ZNF469: variants seen among roughly 807,000 people sequenced by gnomAD.
ZNF469 encodes the protein zinc finger protein 469.
A neutral mutation model predicts 1.0 loss-of-function variants in ZNF469; 1 was observed. The ratio of observed to expected loss-of-function variants is 1.00; its 90% confidence interval spans 0.35 to 4.73. The LOEUF (loss-of-function observed/expected upper bound fraction) is 4.73. ZNF469 is among the 30% of genes most tolerant of loss of function. ZNF469 has a pLI of 0.16. For synonymous variants in ZNF469, 2,703 were observed against 2,363.4 expected (o/e 1.14, Z -4.17); for missense variants, 6,100 against 5,356.3 (o/e 1.14, Z -4.33).
rs1211886658 is a variant in ZNF469, at chr16:88,428,746, G to C, written c.1276G>C (p.Glu426Gln). 6.5e-7 allele frequency: 1 copy of C among 1,546,316 alleles called. No individual in the cohort carries two copies. The highest frequency in any genetic ancestry group is 8.7e-7 in the Non-Finnish European group (1 of 1,146,294). The change falls in exon 3 of 3, where the codon GAG (glutamate) becomes CAG (glutamine). Residue 426 changes from glutamate to glutamine, a missense_variant. Glu to Gln is a conservative substitution (Grantham distance 29). Transcript: ENST00000565624. Reference sequence around the variant, plus strand: ...CACCAGCCCGGGGCCTCCGGACACCGAGCTGGCCGCCCCAGGGCCCCCACC... The same window carrying C: ...CACCAGCCCGGGGCCTCCGGACACCCAGCTGGCCGCCCCAGGGCCCCCACC... ...VDTSPGPPDT[E>Q]LAAPGPPPAR...
chr16:88,381,197 C>T (rs1347311617), upstream of ZNF469, among the ~76,000 whole-genome samples: 1 of 119,740 alleles, frequency 8.4e-6, no homozygotes, highest in Admixed American at 7.8e-5. Context: ...CACACACATG[C>T]ATTCACAGAC....
rs1039889727 is a variant in ZNF469, at chr16:88,431,550, C to T, written c.4080C>T (p.Asn1360=). The change falls in exon 3 of 3, where the codon AAC becomes AAT. Residue 1360 remains asparagine (N), a synonymous_variant. Coordinates refer to ENST00000565624, the MANE Select transcript of ZNF469 (RefSeq NM_001367624.2). ...SSFGCDPAGF[N]RDPLGVPVAK... ...TTGGCTGTGACCCTGCTGGTTTTAA[C>T]AGAGACCCCTTGGGGGTTCCAGTTG... is the stretch of plus-strand genomic sequence containing the variant. 10 of 1,550,348 alleles carry T rather than the reference C, an allele frequency of 6.5e-6. No individual in the cohort carries two copies. In the Admixed American group the frequency reaches 7.8e-5, roughly 12 times the overall value.
At chr16:88,226,437 A>C in the ZNF469 span, among the ~76,000 whole-genome samples, 1 of 152,082 alleles carries the variant, frequency 6.6e-6, no homozygotes, top group Non-Finnish European at 1.5e-5. Flanking sequence ...AGGGCCTCCC[A>C]CAGCTGGAGT....
upstream of ZNF469, among the ~76,000 whole-genome samples, chr16:88,382,419 G>A (rs2092527576): frequency 6.6e-6 from 1 of 152,272 alleles, no homozygotes; most frequent in Non-Finnish European, 1.5e-5. Context: ...CCAGTCTGGG[G>A]CAGTCCCAGG....
chr16:88,200,077 G>C, the ZNF469 span, among the ~76,000 whole-genome samples: 104,300 of 152,036 alleles, frequency 0.69, 35,904 homozygotes, highest in East Asian at 0.82. Flanking sequence ...GCTGGGGGTC[G>C]TGCCCCGGGG....
chr16:88,321,824 A>G, the ZNF469 span, among the ~76,000 whole-genome samples: 1,810 of 152,350 alleles, frequency 0.012, 27 homozygotes, highest in African/African-American at 0.041. Flanking sequence ...AGCCACCGCC[A>G]TCCGGAGCAT....
intron 1 of ZNF469, among the ~76,000 whole-genome samples, chr16:88,423,267 G>GCT (rs1307178876): frequency 2.6e-5 from 4 of 150,982 alleles, no homozygotes; most frequent in Non-Finnish European, 5.9e-5. Flanking sequence ...GGATGGATGG[G>GCT]TGGGTGGGTA....
At chr16:88,136,897 G>A in the ZNF469 span, among the ~76,000 whole-genome samples, 1 of 152,246 alleles carries the variant, frequency 6.6e-6, no homozygotes, top group African/African-American at 2.4e-5. Context: ...GGGAGGGGAG[G>A]ATGCAAAGAT....
At chr16:88,388,897 G>A (rs957914485) in intron 1 of ZNF469, among the ~76,000 whole-genome samples, 9 of 151,942 alleles carry the variant, frequency 5.9e-5, no homozygotes, top group Non-Finnish European at 1.2e-4. Context: ...TGGGTGCCAG[G>A]GCCAGTCTCC....
At chr16:88,150,591 G>A in the ZNF469 span, among the ~76,000 whole-genome samples, 313 of 152,298 alleles carry the variant, frequency 2.1e-3, 3 homozygotes, top group Non-Finnish European at 3.3e-3. Flanking sequence ...CCAGGAAGCT[G>A]CATTGTGAAT....
At chr16:88,138,233 C>T in the ZNF469 span, among the ~76,000 whole-genome samples, 1 of 152,216 alleles carries the variant, frequency 6.6e-6, no homozygotes, top group African/African-American at 2.4e-5. Context: ...AATCATTACT[C>T]ACTGGCAAGA....
chr16:88,418,861 A>C (rs924341823), intron 1 of ZNF469, among the ~76,000 whole-genome samples: 3 of 152,246 alleles, frequency 2.0e-5, no homozygotes, highest in African/African-American at 4.8e-5. Context: ...AAGCAAAAGG[A>C]AAGGAGAATG....
chr16:88,105,397 C>G, the ZNF469 span, among the ~76,000 whole-genome samples: 24 of 151,074 alleles, frequency 1.6e-4, no homozygotes, highest in Non-Finnish European at 3.4e-4. Flanking sequence ...CTCTGCCTCC[C>G]AGGTTCAAGG....
At chr16:88,209,402 T>C in the ZNF469 span, among the ~76,000 whole-genome samples, 1 of 152,032 alleles carries the variant, frequency 6.6e-6, no homozygotes, top group South Asian at 2.1e-4. Flanking sequence ...GCCATTCTCC[T>C]GTCTCAGCCT....
chr16:88,353,003 T>C, the ZNF469 span, among the ~76,000 whole-genome samples: 7 of 152,010 alleles, frequency 4.6e-5, no homozygotes, highest in Admixed American at 3.3e-4. Context: ...GCCCAGCAAG[T>C]TGGGGGCGCC....
the ZNF469 span, among the ~76,000 whole-genome samples, chr16:88,256,986 T>C: frequency 1.4e-5 from 2 of 145,514 alleles, no homozygotes; most frequent in African/African-American, 5.1e-5. Flanking sequence ...TTCACTCTTG[T>C]TGCCCATGCT....
chr16:88,325,440 C>T, the ZNF469 span, among the ~76,000 whole-genome samples: 2,666 of 152,330 alleles, frequency 0.018, 71 homozygotes, highest in African/African-American at 0.06. Flanking sequence ...TGCCTGAAGG[C>T]GGGGCAGCCG....
At chr16:88,380,351 A>G (rs537446614), upstream of ZNF469, among the ~76,000 whole-genome samples, 10 of 112,936 alleles carry the variant, frequency 8.9e-5, 1 homozygote, top group Middle Eastern at 6.0e-3. Flanking sequence ...GCTCACACAC[A>G]TGCGCTCACA....
chr16:88,316,091 G>C, the ZNF469 span, among the ~76,000 whole-genome samples: 3 of 152,256 alleles, frequency 2.0e-5, no homozygotes, highest in Non-Finnish European at 1.5e-5. Flanking sequence ...GGTGGGCAGA[G>C]AGCAGGGCCG....
Sources: gnomAD v4.1 joint callset for allele counts (sites outside exome capture counted in the v4.1 genomes callset) on GRCh38, gnomAD v4.1.1 for gene constraint, MANE v1.5 for transcripts, NCBI Gene and HGNC (gene_info 2026-07-23, HGNC 2026-07-21) for gene names.